Variants in SNTG1 observed in about 807,000 individuals in gnomAD.
SNTG1 encodes the protein gamma-1-syntrophin.
Under a neutral mutation model 74.7 loss-of-function variants are expected in SNTG1, and 39 were observed. The observed-to-expected ratio is 0.52, with a 90% CI of 0.40 to 0.68. The LOEUF (loss-of-function observed/expected upper bound fraction) is 0.68, where lower values mean the gene tolerates loss of function less well. Ranked by LOEUF, SNTG1 falls within the 30% of genes least tolerant of loss-of-function variation. The pLI is 0.00. For synonymous variants in SNTG1, 254 were observed against 217.1 expected (o/e 1.17, Z -1.49); for missense variants, 685 against 609.5 (o/e 1.12, Z -1.30).
intron 2 of SNTG1, among the ~76,000 whole-genome samples, chr8:50,346,360 CT>C (rs1271812423): frequency 2.0e-5 from 3 of 152,146 alleles, no homozygotes; most frequent in Non-Finnish European, 4.4e-5. Flanking sequence ...GTGCCACAAA[CT>C]GTGCCCGTAT....
chr8:50,263,012 G>A (rs991726617), intron 2 of SNTG1, among the ~76,000 whole-genome samples: 3 of 152,074 alleles, frequency 2.0e-5, no homozygotes, highest in South Asian at 2.1e-4. Context: ...AAAATACTCC[G>A]TTTAGCAGTC....
chr8:50,228,601 C>A (rs1043863165), intron 2 of SNTG1, among the ~76,000 whole-genome samples: 10 of 151,748 alleles, frequency 6.6e-5, no homozygotes, highest in African/African-American at 1.9e-4. Flanking sequence ...AAAACCAACC[C>A]AGCCAGAAAA....
intron 1 of SNTG1, among the ~76,000 whole-genome samples, chr8:49,977,800 C>T (rs1812324668): frequency 6.6e-6 from 1 of 152,204 alleles, no homozygotes; most frequent in African/African-American, 2.4e-5. Flanking sequence ...GGCTTCATAG[C>T]AAGAGCTGAT....
intron 8 of SNTG1, among the ~76,000 whole-genome samples, chr8:50,468,207 C>A (rs2093624864): frequency 6.6e-6 from 1 of 151,950 alleles, no homozygotes; most frequent in Non-Finnish European, 1.5e-5. Flanking sequence ...CTTGAACTAT[C>A]AGTTTTTGAA....
chr8:50,553,211 G>C (rs367650379), intron 12 of SNTG1, 32 bp downstream of exon 12: 4 of 1,612,158 alleles, frequency 2.5e-6, no homozygotes, highest in Non-Finnish European at 3.4e-6. Flanking sequence ...ACCTAGCCAG[G>C]GTTTCTCAGG....
intron 13 of SNTG1, among the ~76,000 whole-genome samples, chr8:50,618,892 T>TGG: frequency 9.8e-5 from 1 of 10,170 alleles, no homozygotes; most frequent in East Asian, 0.016. Flanking sequence ...TATGTGTATA[T>TGG]GTGTGTGTGT....
intron 2 of SNTG1, among the ~76,000 whole-genome samples, chr8:50,209,467 T>A (rs1213509686): frequency 6.6e-6 from 1 of 152,106 alleles, no homozygotes; most frequent in African/African-American, 2.4e-5. Context: ...GGGAGACACC[T>A]CCCAGTAGGG....
chr8:50,777,648 T>C (rs2095644912), intron 18 of SNTG1, among the ~76,000 whole-genome samples: 1 of 151,162 alleles, frequency 6.6e-6, no homozygotes, highest in African/African-American at 2.4e-5. Context: ...GAATTTTTTT[T>C]CCATTCAGTG....
chr8:50,785,075 T>A (rs915854394), intron 18 of SNTG1, among the ~76,000 whole-genome samples: 1 of 151,978 alleles, frequency 6.6e-6, no homozygotes, highest in Non-Finnish European at 1.5e-5. Context: ...AATTTTAACT[T>A]CAAATACTAT....
At chr8:50,588,230 T>C (rs911958840) in intron 12 of SNTG1, among the ~76,000 whole-genome samples, 1 of 152,214 alleles carries the variant, frequency 6.6e-6, no homozygotes, top group African/African-American at 2.4e-5. Context: ...TTTATATTGT[T>C]ATATTCCACT....
chr8:50,087,176 A>G (rs186824114), intron 1 of SNTG1, among the ~76,000 whole-genome samples: 2 of 152,284 alleles, frequency 1.3e-5, no homozygotes, highest in African/African-American at 4.8e-5. Flanking sequence ...TGAATAAGAC[A>G]TGGTTTAGAA....
intron 1 of SNTG1, among the ~76,000 whole-genome samples, chr8:50,092,268 C>T (rs2079768479): frequency 1.3e-5 from 2 of 152,204 alleles, no homozygotes; most frequent in African/African-American, 4.8e-5. Flanking sequence ...ATTAGATGGT[C>T]ATTGCTATCA....
chr8:50,545,992 A>G (rs971205804), intron 11 of SNTG1, among the ~76,000 whole-genome samples: 9 of 152,172 alleles, frequency 5.9e-5, no homozygotes, highest in African/African-American at 1.7e-4. Flanking sequence ...ACAGGAATGT[A>G]TATTTTGGGG....
At chr8:50,236,277 T>C (rs1462116777) in intron 2 of SNTG1, among the ~76,000 whole-genome samples, 1 of 152,156 alleles carries the variant, frequency 6.6e-6, no homozygotes, top group African/African-American at 2.4e-5. Context: ...GAAAATAGAC[T>C]ATAACTGAAC....
chr8:50,711,952 A>C (rs1314049552), intron 17 of SNTG1, among the ~76,000 whole-genome samples: 1 of 152,204 alleles, frequency 6.6e-6, no homozygotes, highest in African/African-American at 2.4e-5. Context: ...ATACTTAAAT[A>C]ATTTACATAG....
intron 3 of SNTG1, 129 bp downstream of exon 3, chr8:50,394,394 C>A: frequency 1.2e-6 from 1 of 840,656 alleles, no homozygotes; most frequent in Non-Finnish European, 1.8e-6. Flanking sequence ...GCTCTTTTTC[C>A]TTCCAGATTA....
At chr8:50,557,177 G>T (rs1239775414) in intron 12 of SNTG1, among the ~76,000 whole-genome samples, 2 of 151,230 alleles carry the variant, frequency 1.3e-5, no homozygotes, top group Non-Finnish European at 2.9e-5. Context: ...ACAGTATCAG[G>T]CGGGTGGTGG....
chr8:50,415,151 A>G (rs924770909), intron 4 of SNTG1, among the ~76,000 whole-genome samples: 1 of 152,204 alleles, frequency 6.6e-6, no homozygotes, highest in Non-Finnish European at 1.5e-5. Flanking sequence ...TCGTGAGTGA[A>G]CAAATGTTGT....
chr8:49,937,204 A>T (rs1046565017), intron 1 of SNTG1, among the ~76,000 whole-genome samples: 1 of 152,158 alleles, frequency 6.6e-6, no homozygotes, highest in Non-Finnish European at 1.5e-5. Flanking sequence ...AAGAAGTCAG[A>T]CCAAACAAAG....
Sources: gnomAD v4.1 joint callset for allele counts (sites outside exome capture counted in the v4.1 genomes callset) on GRCh38, gnomAD v4.1.1 for gene constraint, MANE v1.5 for transcripts, NCBI Gene and HGNC (gene_info 2026-07-23, HGNC 2026-07-21) for gene names.